SNX1: variants seen among roughly 807,000 people sequenced by gnomAD.
The protein encoded by SNX1 is sorting nexin 1.
In SNX1, 36 loss-of-function variants were observed where a neutral mutation model predicts 71.8. The ratio of observed to expected loss-of-function variants is 0.50; its 90% CI spans 0.38 to 0.66. The LOEUF (loss-of-function observed/expected upper bound fraction) is 0.66. Among genes scored for constraint, SNX1 ranks in the 30% least tolerant of loss-of-function variants. SNX1 has a pLI of 0.00. For missense variants in SNX1, 612 were observed against 646.7 expected (o/e 0.95, Z 0.58); for synonymous variants, 254 against 240.7 (o/e 1.06, Z -0.51).
intron 3 of SNX1, 98 bp from the exon 4 acceptor site, chr15:64,118,690 A>C (rs554550880): frequency 4.6e-6 from 4 of 875,210 alleles, no homozygotes; most frequent in Non-Finnish European, 7.3e-6. Context: ...TGAAGGATAC[A>C]TCTTGATTTT....
intron 14 of SNX1, 42 bp downstream of exon 14, chr15:64,136,974 C>T: frequency 2.6e-6 from 4 of 1,532,752 alleles, no homozygotes; most frequent in South Asian, 1.1e-5. Flanking sequence ...ACTGCCTGCT[C>T]CAAAGGCCAG....
At chr15:64,097,454 C>T (rs2080914925) in intron 1 of SNX1, among the ~76,000 whole-genome samples, 1 of 151,932 alleles carries the variant, frequency 6.6e-6, no homozygotes, top group Admixed American at 6.6e-5. Context: ...GGTGTTTTCT[C>T]TTTTAGAAAG....
intron 2 of SNX1, 49 bp downstream of exon 2, chr15:64,112,733 T>C (rs776481037): frequency 9.0e-6 from 11 of 1,227,778 alleles, no homozygotes; most frequent in Non-Finnish European, 1.3e-5. Flanking sequence ...AATGGCTTTG[T>C]TAAGTTGCTG....
At chr15:64,112,879 A>G (rs1023557192) in intron 2 of SNX1, among the ~76,000 whole-genome samples, 195 bp downstream of exon 2, 1 of 152,242 alleles carries the variant, frequency 6.6e-6, no homozygotes, top group Non-Finnish European at 1.5e-5. Flanking sequence ...AGTAAGATAT[A>G]AATACACAAT....
At chr15:64,131,967 C>G in intron 11 of SNX1, 75 bp downstream of exon 11, 1 of 1,476,800 alleles carries the variant, frequency 6.8e-7, no homozygotes, top group Non-Finnish European at 9.4e-7. Flanking sequence ...CTTCCCAAGA[C>G]AGTTTCATCC....
intron 5 of SNX1, among the ~76,000 whole-genome samples, chr15:64,124,147 C>CATATATGTATATATATAT (rs1555491929): frequency 9.5e-6 from 1 of 105,434 alleles, no homozygotes; most frequent in African/African-American, 7.9e-5. Flanking sequence ...GAAATCTTTA[C>CATATATGTATATATATAT]ATATATATAT....
intron 1 of SNX1, 149 bp from the exon 2 acceptor site, chr15:64,112,424 G>T: frequency 1.8e-6 from 1 of 571,132 alleles, no homozygotes; most frequent in Non-Finnish European, 3.1e-6. Context: ...GTCATGACTT[G>T]GGCAGCACTT....
Position 64,142,294 on chromosome 15 carries a change from C to T in SNX1, c.*4676C>T, listed in dbSNP as rs567476587. The T allele has an allele frequency of 1.9e-5, 4 of 211,986 alleles. No homozygotes were observed. The highest frequency in any genetic ancestry group is 3.8e-5 in the Non-Finnish European group (4 of 104,236). 13.1% of individuals were successfully genotyped at this position (211,986 alleles called of 1,614,324 possible). A position where few individuals can be genotyped will look rare whatever the true frequency, so the allele number is the denominator to read the frequency against. On this transcript the variant is annotated 3_prime_UTR_variant, in exon 15 of 15. Coordinates refer to ENST00000559844, the MANE Select transcript of SNX1 (RefSeq NM_003099.5). Reference sequence around the variant, plus strand: ...AGTGAGCTACAGTTGCGCCACTGCACTCCAGCCTAGGTGACAGAGCAAGAT... The same window carrying T: ...AGTGAGCTACAGTTGCGCCACTGCATTCCAGCCTAGGTGACAGAGCAAGAT...
intron 4 of SNX1, among the ~76,000 whole-genome samples, chr15:64,119,734 A>C (rs951902978): frequency 2.8e-5 from 3 of 108,370 alleles, no homozygotes; most frequent in African/African-American, 5.0e-5. Flanking sequence ...AAAAAAAAAA[A>C]AAAACACACA....
In SNX1 at chr15:64,123,552, T is replaced by TCCAGGTGACCCTGC; in HGVS notation, c.510+7_510+20dup. On this transcript the variant is annotated splice_region_variant and intron_variant, in intron 5 of 14. Coordinates refer to ENST00000559844, the MANE Select transcript of SNX1 (RefSeq NM_003099.5). ...CCTACAAAGTTACAACACAGGTGAG[T>TCCAGGTGACCCTGC]CCAGGTGACCCTGCTGATGACCATC... 1 of 1,612,620 alleles carries TCCAGGTGACCCTGC rather than the reference T, an allele frequency of 6.2e-7. No homozygotes were observed. Among genetic ancestry groups the TCCAGGTGACCCTGC allele is most frequent in the Non-Finnish European group, 8.5e-7 (1 of 1,178,680 alleles).
In SNX1 at chr15:64,123,556, G is replaced by A. The variant is rs760898756; in HGVS notation, c.510+10G>A. On this transcript the variant is annotated intron_variant, in intron 5 of 14. Transcript: ENST00000559844. ...CAAAGTTACAACACAGGTGAGTCCA[G>A]GTGACCCTGCTGATGACCATCTTCA... 2 of 1,612,086 alleles carry A rather than the reference G, an allele frequency of 1.2e-6. No individual in the cohort carries two copies. The highest frequency in any genetic ancestry group is 1.7e-6 in the Non-Finnish European group (2 of 1,178,208).
rs769590422 is a variant in SNX1, at chr15:64,096,039, G to A, written c.26G>A (p.Ser9Asn). 3.1e-6 allele frequency: 5 copies of A among 1,594,238 alleles called. No homozygotes were observed. The highest frequency in any genetic ancestry group is 2.3e-5 in the South Asian group (2 of 88,606). Residue 9 changes from serine (S) to asparagine (N), a missense_variant, in exon 1 of 15, where the codon AGC becomes AAC. Ser to Asn is a conservative substitution (Grantham distance 46). This residue lies in a region of SNX1 where 316 missense variants were observed against 284.9 expected (regional missense o/e 1.11). Coordinates refer to ENST00000559844, the MANE Select transcript of SNX1 (RefSeq NM_003099.5). Reference sequence around the variant, plus strand: ...ATGGCGTCGGGTGGTGGTGGCTGTAGCGCTTCGGAGAGACTGCCTCCGCCC... The same window carrying A: ...ATGGCGTCGGGTGGTGGTGGCTGTAACGCTTCGGAGAGACTGCCTCCGCCC... MASGGGGC[S>N]ASERLPPPFP...
Position 64,138,017 on chromosome 15 carries a change from C to T in SNX1, c.*399C>T, listed in dbSNP as rs2081377987. On this transcript the variant is annotated 3_prime_UTR_variant, in exon 15 of 15. Transcript: ENST00000559844. ...TATTTTAAAATCAGGTCACATGACT[C>T]AGAATGTTGGTGGTTTTTGCTTAGG... The T allele has an allele frequency of 1.3e-6, 2 of 1,505,502 alleles. No individual in the cohort carries two copies. Among genetic ancestry groups the T allele is most frequent in the Non-Finnish European group, 1.8e-6 (2 of 1,135,432 alleles). 93.3% of individuals were successfully genotyped at this position (1,505,502 alleles called of 1,614,324 possible).
At chr15:64,126,661 C>T (rs2081256409) in intron 6 of SNX1, among the ~76,000 whole-genome samples, 1 of 152,132 alleles carries the variant, frequency 6.6e-6, no homozygotes, top group Non-Finnish European at 1.5e-5. Context: ...CTCACTGAAA[C>T]CTCCACCTTC....
At chr15:64,110,624 A>T (rs1415406034) in intron 1 of SNX1, among the ~76,000 whole-genome samples, 1 of 152,016 alleles carries the variant, frequency 6.6e-6, no homozygotes, top group African/African-American at 2.4e-5. Flanking sequence ...CTGGTCTCCA[A>T]CTCCTGGGCT....
At chr15:64,101,868 A>G (rs1323339430) in intron 1 of SNX1, among the ~76,000 whole-genome samples, 1 of 152,212 alleles carries the variant, frequency 6.6e-6, no homozygotes, top group Non-Finnish European at 1.5e-5. Flanking sequence ...TATATTTTCA[A>G]AAAGCTTTCT....
At chr15:64,108,204 AAAG>A (rs1476602241) in intron 1 of SNX1, among the ~76,000 whole-genome samples, 1 of 152,028 alleles carries the variant, frequency 6.6e-6, no homozygotes, top group Non-Finnish European at 1.5e-5. Flanking sequence ...AAAAAAAAAA[AAAG>A]GTTATAAAGC....
chr15:64,131,997 G>A (rs992607714), intron 11 of SNX1, 105 bp downstream of exon 11: 1 of 1,180,020 alleles, frequency 8.5e-7, no homozygotes, highest in African/African-American at 1.5e-5. Flanking sequence ...TTGTAAATAG[G>A]TGTCACTTTT....
intron 12 of SNX1, chr15:64,135,056 G>C: frequency 2.1e-6 from 1 of 487,784 alleles, no homozygotes; most frequent in Non-Finnish European, 3.6e-6. Flanking sequence ...GCTCGCGCCT[G>C]TAATCCTAGC....
Sources: gnomAD v4.1 joint callset for allele counts (sites outside exome capture counted in the v4.1 genomes callset) on GRCh38, gnomAD v4.1.1 for gene constraint, gnomAD v4.1.1 regional missense constraint, MANE v1.5 for transcripts, NCBI Gene and HGNC (gene_info 2026-07-23, HGNC 2026-07-21) for gene names.